CNIH3: variants seen among roughly 807,000 people sequenced by gnomAD.
CNIH3 encodes cornichon family AMPA receptor auxiliary protein 3.
A neutral mutation model predicts 24.1 loss-of-function variants in CNIH3; 14 were observed. The observed-to-expected ratio is 0.58, with a 90% CI of 0.38 to 0.91. The LOEUF (loss-of-function observed/expected upper bound fraction) is 0.91. Ranked by LOEUF, CNIH3 falls within the 40% of genes least tolerant of loss-of-function variation. The probability of loss-of-function intolerance (pLI) is 0.00; values close to 1 mark genes in which losing one functional copy is unlikely to be tolerated. For synonymous variants in CNIH3, 68 were observed against 73.8 expected (o/e 0.92, Z 0.40); for missense variants, 178 against 196.8 (o/e 0.90, Z 0.57).
chr1:224,538,121 G>A (rs1197332928), downstream of CNIH3, among the ~76,000 whole-genome samples: 1 of 151,812 alleles, frequency 6.6e-6, no homozygotes, highest in African/African-American at 2.4e-5. Context: ...TAATTTTTTT[G>A]TATTTTTAGT....
At chr1:224,635,611 C>A (rs1408449535) in intron 1 of CNIH3, among the ~76,000 whole-genome samples, 1 of 152,234 alleles carries the variant, frequency 6.6e-6, no homozygotes, top group Non-Finnish European at 1.5e-5. Context: ...CGGCCTCGGC[C>A]TTGGACATGA....
At chr1:224,538,147 C>T (rs1679365060), downstream of CNIH3, among the ~76,000 whole-genome samples, 3 of 152,026 alleles carry the variant, frequency 2.0e-5, no homozygotes, top group Admixed American at 2.0e-4. Context: ...TGGAGTTTCA[C>T]CATATTGGCC....
intron 1 of CNIH3, among the ~76,000 whole-genome samples, chr1:224,633,176 TGA>T (rs1236390778): frequency 6.6e-6 from 1 of 152,144 alleles, no homozygotes; most frequent in African/African-American, 2.4e-5. Context: ...TTCTTTTTTT[TGA>T]GACACGTTCT....
chr1:224,715,076 C>T (rs888331497), intron 3 of CNIH3, among the ~76,000 whole-genome samples: 1 of 152,200 alleles, frequency 6.6e-6, no homozygotes, highest in Non-Finnish European at 1.5e-5. Flanking sequence ...CTCCCTAGTT[C>T]CTGCCCTCTT....
chr1:224,734,803 C>A (rs1014366390), intron 5 of CNIH3, 97 bp downstream of exon 5: 115 of 1,322,454 alleles, frequency 8.7e-5, no homozygotes, highest in Non-Finnish European at 1.2e-4. Flanking sequence ...AGATGGCGTG[C>A]GAGGGTGGGA....
At chr1:224,575,300 C>G (rs1558175153) in intron 4 of CNIH3, 1 of 1,043,870 alleles carries the variant, frequency 9.6e-7, no homozygotes, top group Non-Finnish European at 1.5e-6. Context: ...AGGATATGAC[C>G]ACCTTATTCA....
intron 3 of CNIH3, among the ~76,000 whole-genome samples, chr1:224,729,506 T>C (rs1270927969): frequency 6.7e-6 from 1 of 150,324 alleles, no homozygotes; most frequent in Admixed American, 6.7e-5. Flanking sequence ...AAAGTATTCA[T>C]GAGAGCCTAA....
At chr1:224,712,075 C>T (rs1688185008) in intron 3 of CNIH3, among the ~76,000 whole-genome samples, 1 of 152,144 alleles carries the variant, frequency 6.6e-6, no homozygotes, top group Admixed American at 6.5e-5. Flanking sequence ...AGCCGGGAAC[C>T]TCCCCTCCAT....
chr1:224,606,234 G>T (rs182771819), intron 3 of CNIH3, among the ~76,000 whole-genome samples: 1 of 152,166 alleles, frequency 6.6e-6, no homozygotes, highest in African/African-American at 2.4e-5. Flanking sequence ...CTCAGTGGAG[G>T]GTCAGGGTGA....
chr1:224,650,465 C>G (rs1684809691), intron 1 of CNIH3, among the ~76,000 whole-genome samples: 1 of 152,096 alleles, frequency 6.6e-6, no homozygotes, highest in African/African-American at 2.4e-5. Flanking sequence ...AAAGAATGTG[C>G]AAATGAACAC....
At chr1:224,591,120 G>A (rs753645961), downstream of CNIH3, among the ~76,000 whole-genome samples, 24 of 152,142 alleles carry the variant, frequency 1.6e-4, no homozygotes, top group Non-Finnish European at 3.1e-4. Context: ...CTCTAGCTAA[G>A]CAGGTCTGTT....
intron 3 of CNIH3, among the ~76,000 whole-genome samples, chr1:224,564,315 T>C (rs770255935): frequency 6.6e-6 from 1 of 152,154 alleles, no homozygotes; most frequent in South Asian, 2.1e-4. Flanking sequence ...ATATCTCTGG[T>C]TTTCTAAAAT....
chr1:224,450,225 G>A (rs1447178897), intron 1 of CNIH3, among the ~76,000 whole-genome samples: 1 of 152,084 alleles, frequency 6.6e-6, no homozygotes, highest in Non-Finnish European at 1.5e-5. Context: ...TTATATTCTA[G>A]TCTTGTATTG....
chr1:224,586,916 A>G (rs73115958), intron 5 of CNIH3, among the ~76,000 whole-genome samples: 38,808 of 151,996 alleles, frequency 0.26, 5,139 homozygotes, highest in Admixed American at 0.35. Context: ...TTGAGGAAAG[A>G]TTCTCTTCTA....
intron 5 of CNIH3, among the ~76,000 whole-genome samples, chr1:224,737,971 G>A (rs1039239959): frequency 6.6e-6 from 1 of 152,204 alleles, no homozygotes; most frequent in Non-Finnish European, 1.5e-5. Context: ...TTTCCGACCT[G>A]AAGTAGTAGG....
In CNIH3 at chr1:224,470,837, A is replaced by G. The variant is rs1172411658; in HGVS notation, n.203+35975A>G. Among the ~76,000 whole-genome samples the G allele has an allele frequency of 4.6e-5, 7 of 152,172 alleles. No individual in the cohort carries two copies. The South Asian group carries it at 1.2e-3, about 27-fold the overall frequency. On this transcript the variant is annotated intron_variant and non_coding_transcript_variant, in intron 1 of 5. Coordinates refer to the CNIH3 transcript ENST00000471578. The stretch of plus-strand genomic sequence containing the variant: ...TCTTTTTTGGGGGTACATAGTAGGT[A>G]TGTATATTTATGGTGTACACGAGCT...
At chr1:224,723,564 C>T (rs889220233) in intron 3 of CNIH3, among the ~76,000 whole-genome samples, 4 of 152,246 alleles carry the variant, frequency 2.6e-5, no homozygotes, top group African/African-American at 4.8e-5. Context: ...CTCCTCTGCC[C>T]TTCATGCCGT....
chr1:224,501,840 C>G (rs1052103374), intron 1 of CNIH3, among the ~76,000 whole-genome samples: 1 of 151,756 alleles, frequency 6.6e-6, no homozygotes, highest in East Asian at 1.9e-4. Flanking sequence ...CTCGGCCTCC[C>G]AAAGTGCTAG....
At chr1:224,558,052 A>C (rs1303349889) in intron 3 of CNIH3, among the ~76,000 whole-genome samples, 1 of 152,192 alleles carries the variant, frequency 6.6e-6, no homozygotes, top group African/African-American at 2.4e-5. Flanking sequence ...AACTGCTCAG[A>C]AATATGTGGG....
Sources: gnomAD v4.1 joint callset for allele counts (sites outside exome capture counted in the v4.1 genomes callset) on GRCh38, gnomAD v4.1.1 for gene constraint, MANE v1.5 for transcripts, NCBI Gene and HGNC (gene_info 2026-07-23, HGNC 2026-07-21) for gene names.